CSAD: variants seen among roughly 807,000 people sequenced by gnomAD.
CSAD encodes P-selectin cytoplasmic tail-associated protein.
In CSAD, 47 loss-of-function variants were observed where a neutral mutation model predicts 61.5. The observed-to-expected ratio is 0.76, with a 90% CI of 0.60 to 0.97. The LOEUF is 0.97. Ranked by LOEUF, CSAD falls within the 50% of genes least tolerant of loss-of-function variation. CSAD has a pLI of 0.00. For missense variants in CSAD, 611 were observed against 643.6 expected (o/e 0.95, Z 0.55); for synonymous variants, 245 against 252.7 (o/e 0.97, Z 0.29).
In CSAD at chr12:53,179,130, G is replaced by C. The variant is rs1452622764; in HGVS notation, c.-78C>G. ...GGCTTCCCAACGTGCTGGGATTACA[G>C]GTGTGAGCCACCCTGCCCGGAGCAA... On this transcript the variant is annotated 5_prime_UTR_variant, in exon 2 of 17. Coordinates refer to ENST00000444623, the MANE Select transcript of CSAD (RefSeq NM_001244705.2). 1 of 152,328 alleles carries C rather than the reference G, an allele frequency of 6.6e-6. No individual in the cohort carries two copies. Among genetic ancestry groups the C allele is most frequent in the Non-Finnish European group, 1.5e-5 (1 of 68,122 alleles). 9.4% of individuals were successfully genotyped at this position (152,328 alleles called of 1,614,324 possible). A position where few individuals can be genotyped will look rare whatever the true frequency, so the allele number is the denominator to read the frequency against.
rs1565683156 is a variant in CSAD at position 53,179,766 on chromosome 12, ATATCACC to A, written c.-90-631_-90-625del. The stretch of plus-strand genomic sequence containing the variant: ...TTACTTCTCCTAAAGTCACGACATA[ATATCACC>A]TACAGCAGAAATGAGGACTTCAGTG... On this transcript the variant is annotated intron_variant, in intron 1 of 16. Transcript: ENST00000444623. The A allele has an allele frequency of 2.5e-6, 4 of 1,608,468 alleles. No homozygotes were observed. In the Admixed American group the frequency reaches 6.7e-5, roughly 27 times the overall value.
intron 10 of CSAD, among the ~76,000 whole-genome samples, chr12:53,163,510 T>TCTCTATA: frequency 6.6e-6 from 1 of 152,072 alleles, no homozygotes; most frequent in South Asian, 2.1e-4. Flanking sequence ...ATCAATTGTA[T>TCTCTATA]CTCTATACAC....
At chr12:53,160,423 T>C in intron 13 of CSAD, 104 bp from the exon 14 acceptor site, 3 of 1,157,160 alleles carry the variant, frequency 2.6e-6, no homozygotes, top group Non-Finnish European at 2.5e-6. Flanking sequence ...CTTCTTTCCC[T>C]GGAGCCAGAT....
upstream of CSAD, chr12:53,181,269 T>A: frequency 8.1e-6 from 8 of 985,370 alleles, no homozygotes; most frequent in Non-Finnish European, 8.4e-6. Flanking sequence ...GCACTGCCAG[T>A]CCCGTTTCTG....
At chr12:53,179,912 A>C (rs1941435746) in intron 1 of CSAD, 15 of 1,605,394 alleles carry the variant, frequency 9.3e-6, no homozygotes, top group South Asian at 6.6e-5. Context: ...CCATTTTCCT[A>C]ATGCAGCCTG....
chr12:53,162,349 C>T (rs1355330502), intron 10 of CSAD, among the ~76,000 whole-genome samples: 1 of 150,880 alleles, frequency 6.6e-6, no homozygotes, highest in Non-Finnish European at 1.5e-5. Flanking sequence ...GCGGGTGGAT[C>T]ACGAGATCAG....
intron 2 of CSAD, chr12:53,178,366 T>C (rs1396531964): frequency 2.2e-6 from 1 of 455,766 alleles, no homozygotes; most frequent in Non-Finnish European, 4.4e-6. Context: ...GTTGCCCACA[T>C]CTGTAGTCCC....
intron 4 of CSAD, 59 bp from the exon 5 acceptor site, chr12:53,172,707 C>T (rs74088980): frequency 0.051 from 78,127 of 1,541,774 alleles, 7,049 homozygotes; most frequent in African/African-American, 0.36. Flanking sequence ...GCTGTCAAAC[C>T]ACACCTCCAC....
At chr12:53,172,067 C>A in intron 6 of CSAD, 79 bp from the exon 7 acceptor site, 2 of 1,002,626 alleles carry the variant, frequency 2.0e-6, no homozygotes, top group Admixed American at 4.2e-5. Context: ...ACAGGAGTCA[C>A]AAAAAGGAGG....
rs1294780394 is a variant in CSAD at position 53,180,734 on chromosome 12, C to T, written c.-93G>A. 1.6e-6 allele frequency: 2 copies of T among 1,263,860 alleles called. No individual in the cohort carries two copies. The highest frequency in any genetic ancestry group is 6.4e-5 in the East Asian group (1 of 15,732). The allele number at this position is 1,263,860 out of a possible 1,614,324, so 78.3% of individuals were successfully genotyped here. ...GGGGTTGGTGTTTGTAAACTTGCCTCGGTCCCGGTGGGGGCAGCCGCGGCG... is the reference window on the plus strand; with the variant it reads ...GGGGTTGGTGTTTGTAAACTTGCCTTGGTCCCGGTGGGGGCAGCCGCGGCG... On this transcript the variant is annotated splice_region_variant and 5_prime_UTR_variant, in exon 1 of 17. Transcript: ENST00000444623.
At chr12:53,167,184 C>A (rs980486879) in intron 10 of CSAD, among the ~76,000 whole-genome samples, 1 of 152,164 alleles carries the variant, frequency 6.6e-6, no homozygotes, top group Non-Finnish European at 1.5e-5. Context: ...GCAGCACCAG[C>A]CCCAAGCAAG....
Position 53,180,782 on chromosome 12 carries a change from G to A in CSAD, c.-141C>T. 1 of 1,272,810 alleles carries A rather than the reference G, an allele frequency of 7.9e-7. No homozygotes were observed. The highest frequency in any genetic ancestry group is 1.0e-6 in the Non-Finnish European group (1 of 982,384). The allele number at this position is 1,272,810 out of a possible 1,614,324, so 78.8% of individuals were successfully genotyped here. A position where few individuals can be genotyped will look rare whatever the true frequency, so the allele number is the denominator to read the frequency against. The stretch of plus-strand genomic sequence containing the variant: ...GCGGTGGGGTTGGCAGGGTGTGCTG[G>A]GGCCTGGAGGAGGCGCCGCGCGGCC... On this transcript the variant is annotated 5_prime_UTR_variant, in exon 1 of 17. Transcript: ENST00000444623.
At position 53,173,728 on chromosome 12, in the gene CSAD, C is replaced by T. The variant is rs769418080; in HGVS notation, c.-7G>A. On this transcript the variant is annotated splice_region_variant and 5_prime_UTR_variant, in exon 3 of 17. Coordinates refer to ENST00000444623, the MANE Select transcript of CSAD (RefSeq NM_001244705.2). ...CCACCTAAGGCAGAGACAAGCTTAC[C>T]TCTCTGCTCAGGAGAGCCGGAGGCA... 1.2e-6 allele frequency: 2 copies of T among 1,605,018 alleles called. No homozygotes were observed. The highest frequency in any genetic ancestry group is 4.5e-5 in the East Asian group (2 of 44,856).
chr12:53,168,833 C>G (rs1471149246), intron 10 of CSAD, among the ~76,000 whole-genome samples: 1 of 152,182 alleles, frequency 6.6e-6, no homozygotes, highest in Non-Finnish European at 1.5e-5. Context: ...AACTAAGACA[C>G]ATAGATATAC....
chr12:53,161,447 C>T (rs1592307674), intron 10 of CSAD, 58 bp from the exon 11 acceptor site: 1 of 1,425,332 alleles, frequency 7.0e-7, no homozygotes, highest in Non-Finnish European at 9.8e-7. Flanking sequence ...CTACTCAGAG[C>T]CTGATGCTGG....
At chr12:53,179,915 G>A in intron 1 of CSAD, 2 of 1,604,280 alleles carry the variant, frequency 1.2e-6, no homozygotes, top group Non-Finnish European at 1.7e-6. Context: ...TTTTCCTAAT[G>A]CAGCCTGGCC....
chr12:53,173,282 A>G, intron 4 of CSAD, 63 bp downstream of exon 4: 1 of 1,468,860 alleles, frequency 6.8e-7, no homozygotes, highest in Admixed American at 2.0e-5. Flanking sequence ...AAGAAAGGAA[A>G]AAAGAAAAGA....
chr12:53,172,671 T>A (rs1249616087), intron 4 of CSAD, 23 bp from the exon 5 acceptor site: 2 of 1,593,848 alleles, frequency 1.3e-6, no homozygotes, highest in African/African-American at 2.7e-5. Flanking sequence ...CCGGGGATGC[T>A]GGGGGCCTGG....
At chr12:53,181,130 A>G (rs1941604743), upstream of CSAD, 3 of 975,512 alleles carry the variant, frequency 3.1e-6, no homozygotes, top group African/African-American at 1.8e-5. Flanking sequence ...CGGTTGGTGC[A>G]GCGGGTGCAG....
Sources: allele counts gnomAD v4.1 joint callset (sites outside exome capture counted in the v4.1 genomes callset), GRCh38; gene constraint gnomAD v4.1.1; transcripts MANE v1.5; gene names NCBI Gene and HGNC (gene_info 2026-07-23, HGNC 2026-07-21).